The following FAR2 variants were observed in gnomAD, a reference collection of about 807,000 sequenced individuals.
FAR2 encodes the protein epididymis secretory protein Li 81.
FAR2 carries 19 observed loss-of-function variants against 56.0 expected under a neutral mutation model. The observed-to-expected ratio is 0.34, with a 90% CI of 0.24 to 0.50. The LOEUF is 0.50. FAR2 is among the 20% of genes least tolerant of loss of function. FAR2 has a pLI of 0.98. For synonymous variants in FAR2, 219 were observed against 218.8 expected (o/e 1.00, Z -0.01); for missense variants, 508 against 642.2 (o/e 0.79, Z 2.26).
At chr12:29,154,265 G>A (rs1428601007) in intron 1 of FAR2, among the ~76,000 whole-genome samples, 1 of 151,852 alleles carries the variant, frequency 6.6e-6, no homozygotes, top group Non-Finnish European at 1.5e-5. Context: ...CCTCTGCCTT[G>A]TCTATAGCAG....
chr12:29,223,786 G>A (rs1947726605), intron 1 of FAR2: 1 of 152,184 alleles, frequency 6.6e-6, no homozygotes, highest in African/African-American at 2.4e-5. Flanking sequence ...TACTGTGAGA[G>A]CCCCTCTCAT....
chr12:29,323,450 TCAAGTGGGTCCCTGACCCC>T (rs1004144777), intron 10 of FAR2, among the ~76,000 whole-genome samples: 2 of 152,154 alleles, frequency 1.3e-5, no homozygotes, highest in Non-Finnish European at 2.9e-5. Flanking sequence ...GACTGCCTCC[TCAAGTGGGTCCCTGACCCC>T]CAAGTAGCCT....
At chr12:29,291,552 T>C (rs186875666) in intron 2 of FAR2, 45 of 433,260 alleles carry the variant, frequency 1.0e-4, no homozygotes, top group Middle Eastern at 6.8e-4. Flanking sequence ...TTAAAATCAA[T>C]TGGGGGACTT....
chr12:29,161,876 G>A (rs1399311715), intron 1 of FAR2, among the ~76,000 whole-genome samples: 1 of 152,166 alleles, frequency 6.6e-6, no homozygotes, highest in African/African-American at 2.4e-5. Context: ...TCTGGTGAGT[G>A]AAAAGATTGA....
chr12:29,311,694 ATG>A (rs1555123682), intron 7 of FAR2, among the ~76,000 whole-genome samples, 187 bp from the exon 8 acceptor site: 4 of 150,808 alleles, frequency 2.7e-5, no homozygotes, highest in Admixed American at 6.6e-5. Context: ...ACACACACAC[ATG>A]CTTTTCCTAG....
intron 1 of FAR2, among the ~76,000 whole-genome samples, chr12:29,221,460 T>A (rs1178879643): frequency 6.6e-6 from 1 of 152,186 alleles, no homozygotes; most frequent in Non-Finnish European, 1.5e-5. Context: ...ACTGATATAT[T>A]TGGAAAACTA....
At chr12:29,257,513 T>G (rs950816997) in intron 1 of FAR2, among the ~76,000 whole-genome samples, 2 of 152,174 alleles carry the variant, frequency 1.3e-5, no homozygotes, top group Non-Finnish European at 2.9e-5. Flanking sequence ...GTGGAAGCTT[T>G]GTTCTTTCGC....
intron 1 of FAR2, among the ~76,000 whole-genome samples, chr12:29,247,969 C>T (rs1469215486): frequency 2.0e-5 from 3 of 152,166 alleles, no homozygotes; most frequent in Non-Finnish European, 4.4e-5. Context: ...AGGGAAAATA[C>T]TTTTTAAAAC....
intron 9 of FAR2, among the ~76,000 whole-genome samples, chr12:29,317,455 C>G (rs1421202028): frequency 6.6e-6 from 1 of 152,104 alleles, no homozygotes; most frequent in African/African-American, 2.4e-5. Context: ...AAACCCAAAA[C>G]ACTTCTGGCC....
chr12:29,181,536 A>G (rs938219133), intron 1 of FAR2, among the ~76,000 whole-genome samples: 4 of 151,740 alleles, frequency 2.6e-5, no homozygotes, highest in African/African-American at 9.7e-5. Context: ...CTCCACTCTC[A>G]CCACATAACT....
rs997866454 is a variant in FAR2 at position 29,202,124 on chromosome 12, T to C, written c.-39+52717T>C. Reference sequence around the variant, plus strand: ...AGTGCTTTATATTAGTTATACTTATTGCTAATTTATTATTATTATTATTTT... The same window carrying C: ...AGTGCTTTATATTAGTTATACTTATCGCTAATTTATTATTATTATTATTTT... On this transcript the variant is annotated intron_variant, in intron 1 of 11. Coordinates refer to ENST00000536681, the MANE Select transcript of FAR2 (RefSeq NM_001271783.2). Among the ~76,000 whole-genome samples the C allele has an allele frequency of 1.5e-4, 11 of 73,230 alleles. No individual in the cohort carries two copies. In the East Asian group the frequency reaches 4.8e-3, roughly 32 times the overall value. The allele number at this position is 73,230 out of a possible 152,430, so 48.0% of individuals were successfully genotyped here.
chr12:29,243,043 G>T (rs1228418417), intron 1 of FAR2, among the ~76,000 whole-genome samples: 1 of 152,218 alleles, frequency 6.6e-6, no homozygotes, highest in African/African-American at 2.4e-5. Flanking sequence ...AGGCACGCAG[G>T]AGAGTGGGAA....
chr12:29,173,678 G>A lies in FAR2; in HGVS notation c.-39+24271G>A, dbSNP rs542626590. Among the ~76,000 whole-genome samples the A allele has an allele frequency of 8.3e-4, 126 of 152,230 alleles. 1 individual carries two copies. The highest frequency in any genetic ancestry group is 2.9e-3 in the African/African-American group (119 of 41,558). ...CCCAATAGCTTAGGATGCATTTCAA[G>A]GGTAAGCCGGTTGATACCTGAGTGT... On this transcript the variant is annotated intron_variant, in intron 1 of 11. Transcript: ENST00000536681.
intron 4 of FAR2, 46 bp downstream of exon 4, chr12:29,297,246 C>G (rs1425723912): frequency 6.6e-7 from 1 of 1,513,272 alleles, no homozygotes. Context: ...AGAATAAGTT[C>G]CTTTGTTCTC....
At chr12:29,200,716 CCTAG>C (rs1268114581) in intron 1 of FAR2, among the ~76,000 whole-genome samples, 3 of 152,160 alleles carry the variant, frequency 2.0e-5, no homozygotes, top group African/African-American at 4.8e-5. Context: ...GAGTAGTTTA[CCTAG>C]CTAACTTGTT....
At chr12:29,158,244 A>G (rs957599217) in intron 1 of FAR2, among the ~76,000 whole-genome samples, 2 of 152,234 alleles carry the variant, frequency 1.3e-5, no homozygotes, top group Admixed American at 6.5e-5. Context: ...TTTGAATTGA[A>G]TATTATTTCA....
At chr12:29,296,890 C>T (rs1302876199) in intron 3 of FAR2, 131 bp from the exon 4 acceptor site, 1 of 732,774 alleles carries the variant, frequency 1.4e-6, no homozygotes, top group Non-Finnish European at 2.3e-6. Flanking sequence ...ATGACCCATC[C>T]TTCTCTTCCT....
chr12:29,329,561 G>A (rs1399425875), intron 10 of FAR2, among the ~76,000 whole-genome samples: 1 of 152,102 alleles, frequency 6.6e-6, no homozygotes, highest in Non-Finnish European at 1.5e-5. Flanking sequence ...ATCAAACTTA[G>A]AAATGTTAAA....
intron 10 of FAR2, among the ~76,000 whole-genome samples, chr12:29,328,449 T>C (rs574774868): frequency 6.6e-6 from 1 of 152,270 alleles, no homozygotes; most frequent in East Asian, 1.9e-4. Context: ...TAAAGACATA[T>C]GTTTATTGTG....
Sources: allele counts gnomAD v4.1 joint callset (sites outside exome capture counted in the v4.1 genomes callset), GRCh38; gene constraint gnomAD v4.1.1; transcripts MANE v1.5; gene names NCBI Gene and HGNC (gene_info 2026-07-23, HGNC 2026-07-21).